Variants in DCLK1 observed in about 807,000 individuals in gnomAD.
DCLK1 encodes the protein doublecortin like kinase 1, also known as serine/threonine-protein kinase DCLK1.
Under a neutral mutation model 86.2 loss-of-function variants are expected in DCLK1, and 16 were observed. The observed-to-expected ratio is 0.19, with a 90% confidence interval of 0.13 to 0.28. The LOEUF is 0.28. DCLK1 is among the 10% of genes least tolerant of loss of function. DCLK1 has a pLI of 1.00. For synonymous variants in DCLK1, 369 were observed against 370.5 expected (o/e 1.00, Z 0.05); for missense variants, 590 against 940.2 (o/e 0.63, Z 4.87).
chr13:35,858,531 G>A (rs1339704314), intron 5 of DCLK1, among the ~76,000 whole-genome samples: 1 of 152,114 alleles, frequency 6.6e-6, no homozygotes, highest in African/African-American at 2.4e-5. Flanking sequence ...CTTTTCCCAT[G>A]AGTGGCTGGT....
chr13:36,047,634 T>C (rs1882966040), intron 3 of DCLK1, among the ~76,000 whole-genome samples: 1 of 152,108 alleles, frequency 6.6e-6, no homozygotes, highest in Non-Finnish European at 1.5e-5. Context: ...GAATCTATAG[T>C]AGTTGAACTC....
intron 3 of DCLK1, among the ~76,000 whole-genome samples, chr13:36,071,661 A>G (rs1883980364): frequency 6.6e-6 from 1 of 152,250 alleles, no homozygotes; most frequent in East Asian, 1.9e-4. Flanking sequence ...TCTAAAAGGC[A>G]AGAATGCTAC....
chr13:36,012,336 A>C (rs1881311285), intron 3 of DCLK1, among the ~76,000 whole-genome samples: 1 of 150,938 alleles, frequency 6.6e-6, no homozygotes, highest in Admixed American at 6.6e-5. Context: ...TGGTCTTTAC[A>C]TTTTGGCATG....
rs142431788 is a variant in DCLK1, at chr13:35,880,094, C to T, written c.824-8754G>A. Among the ~76,000 whole-genome samples the T allele has an allele frequency of 1.3e-4, 20 of 152,296 alleles. No individual in the cohort carries two copies. In the South Asian group the frequency reaches 1.9e-3, roughly 14 times the overall value. On this transcript the variant is annotated intron_variant, in intron 4 of 16. Coordinates refer to ENST00000360631, the MANE Select transcript of DCLK1 (RefSeq NM_001330071.2). ...TGCTTGAGTCTCTAAACAATGCATT[C>T]GTATACTCTTTCTGCAGGTCTGGCA...
At chr13:35,921,051 C>T (rs1875773128) in intron 4 of DCLK1, among the ~76,000 whole-genome samples, 1 of 152,162 alleles carries the variant, frequency 6.6e-6, no homozygotes, top group African/African-American at 2.4e-5. Flanking sequence ...TAACTGGTTG[C>T]CCTGCATTTA....
chr13:35,797,725 T>C (rs1021999864), intron 15 of DCLK1, among the ~76,000 whole-genome samples: 5 of 152,116 alleles, frequency 3.3e-5, no homozygotes, highest in Non-Finnish European at 5.9e-5. Flanking sequence ...ATATAAATTT[T>C]GAAGGTTTTC....
intron 3 of DCLK1, among the ~76,000 whole-genome samples, chr13:36,099,044 TGCAACCTCC>T (rs1340293868): frequency 7.9e-5 from 12 of 151,888 alleles, no homozygotes; most frequent in African/African-American, 2.9e-4. Flanking sequence ...CAAAGCTCAC[TGCAACCTCC>T]GCCTCCTGGG....
intron 4 of DCLK1, among the ~76,000 whole-genome samples, chr13:35,904,515 T>C (rs1566595434): frequency 6.6e-6 from 1 of 152,148 alleles, no homozygotes; most frequent in Non-Finnish European, 1.5e-5. Flanking sequence ...TTCTAAAGAC[T>C]CTTTAACTGG....
chr13:36,002,056 T>TCTA (rs1302198805), intron 3 of DCLK1, among the ~76,000 whole-genome samples: 2 of 152,158 alleles, frequency 1.3e-5, no homozygotes, highest in Admixed American at 6.5e-5. Context: ...AAACAACAAC[T>TCTA]CTACTCACAA....
Position 35,774,636 on chromosome 13 carries a change from G to C in DCLK1, c.2122C>G (p.Arg708Gly), listed in dbSNP as rs780857999. 4.4e-6 allele frequency: 7 copies of C among 1,607,836 alleles called. No homozygotes were observed. Among genetic ancestry groups the C allele is most frequent in the Non-Finnish European group, 5.9e-6 (7 of 1,177,214 alleles). Residue 708 changes from arginine to glycine, a missense_variant, in exon 17 of 17, where the codon CGG becomes GGG. Arg to Gly is a moderately radical substitution (Grantham distance 125). Around this residue, in one of 6 missense-constraint regions of DCLK1, gnomAD observed 146 missense variants for 190.2 expected, o/e 0.77. Coordinates refer to ENST00000360631, the MANE Select transcript of DCLK1 (RefSeq NM_001330071.2). Reference protein sequence around the residue: ...RRRRNQDVRSRYKAQPAPPEL... With the variant: ...RRRRNQDVRSGYKAQPAPPEL... ...GGAGGAGCTGGCTGCGCCTTGTACC[G>C]GCTCCTCACATCCTGGTTGCGTCTT...
chr13:35,817,948 T>C (rs150654152), intron 11 of DCLK1, among the ~76,000 whole-genome samples: 1 of 152,226 alleles, frequency 6.6e-6, no homozygotes, highest in South Asian at 2.1e-4. Flanking sequence ...TTTATGTTTA[T>C]CTCTTGTTTA....
intron 4 of DCLK1, among the ~76,000 whole-genome samples, chr13:35,876,492 A>G (rs1011571258): frequency 2.0e-5 from 3 of 152,256 alleles, no homozygotes; most frequent in Admixed American, 6.5e-5. Context: ...AATAAAGTTT[A>G]GATTTTCCAT....
chr13:35,787,252 T>C (rs552973539), intron 16 of DCLK1, among the ~76,000 whole-genome samples: 56 of 150,440 alleles, frequency 3.7e-4, no homozygotes, highest in African/African-American at 1.2e-3. Flanking sequence ...CTCCACAGTT[T>C]GGAAAAAACA....
intron 15 of DCLK1, among the ~76,000 whole-genome samples, chr13:35,803,632 C>T (rs2086966147): frequency 6.6e-6 from 1 of 152,106 alleles, no homozygotes; most frequent in Non-Finnish European, 1.5e-5. Context: ...AATGAGATCC[C>T]AAGTTCTTGT....
chr13:36,091,834 T>C (rs1445940218), intron 3 of DCLK1, among the ~76,000 whole-genome samples: 3 of 152,166 alleles, frequency 2.0e-5, no homozygotes, highest in African/African-American at 7.2e-5. Context: ...TGGCATCATT[T>C]TCTAACTACT....
chr13:35,909,595 ATATGTG>A (rs1030139020), intron 4 of DCLK1, among the ~76,000 whole-genome samples: 2 of 102,886 alleles, frequency 1.9e-5, no homozygotes, highest in African/African-American at 8.3e-5. Flanking sequence ...TGCTGTGTGC[ATATGTG>A]TGTGTGTGTG....
intron 3 of DCLK1, among the ~76,000 whole-genome samples, chr13:36,061,700 GAATATAATTTGGCTCAACTTA>G (rs1394882311): frequency 6.6e-6 from 1 of 152,162 alleles, no homozygotes; most frequent in Non-Finnish European, 1.5e-5. Context: ...GACGAAGTGT[GAATATAATTTGGCTCAACTTA>G]AATATAATTT....
At chr13:36,013,560 C>T (rs1203271465) in intron 3 of DCLK1, among the ~76,000 whole-genome samples, 2 of 152,136 alleles carry the variant, frequency 1.3e-5, no homozygotes, top group African/African-American at 2.4e-5. Flanking sequence ...GGTCAGGGAC[C>T]CACTTGAGGA....
At chr13:35,825,200 TGAGAAGCATACC>T (rs2087490945) in intron 10 of DCLK1, among the ~76,000 whole-genome samples, 3 of 152,164 alleles carry the variant, frequency 2.0e-5, no homozygotes, top group African/African-American at 7.2e-5. Context: ...CCTGAGGGTT[TGAGAAGCATACC>T]CCACCCACAT....
Sources: allele counts gnomAD v4.1 joint callset (sites outside exome capture counted in the v4.1 genomes callset), GRCh38; gene constraint gnomAD v4.1.1; regional missense constraint gnomAD v4.1.1; transcripts MANE v1.5; gene names NCBI Gene and HGNC (gene_info 2026-07-23, HGNC 2026-07-21).